The following PIAS2 variants were observed in gnomAD, a reference collection of about 807,000 sequenced individuals.
PIAS2 encodes E3 SUMO-protein ligase PIAS2.
PIAS2 carries 19 observed loss-of-function variants against 69.7 expected under a neutral mutation model. The ratio of observed to expected loss-of-function variants is 0.27; its 90% CI spans 0.19 to 0.40. The LOEUF (loss-of-function observed/expected upper bound fraction) is 0.40, where lower values mean the gene tolerates loss of function less well. Among genes scored for constraint, PIAS2 ranks in the 10% least tolerant of loss-of-function variants. The probability of loss-of-function intolerance (pLI) is 1.00; values close to 1 mark genes in which losing one functional copy is unlikely to be tolerated. For synonymous variants in PIAS2, 261 were observed against 263.2 expected (o/e 0.99, Z 0.08); for missense variants, 624 against 757.0 (o/e 0.82, Z 2.06).
At chr18:46,889,688 C>T (rs754719250) in intron 2 of PIAS2, among the ~76,000 whole-genome samples, 6 of 152,126 alleles carry the variant, frequency 3.9e-5, no homozygotes, top group Non-Finnish European at 8.8e-5. Context: ...ATACTAAAAA[C>T]AGAATGACTA....
upstream of PIAS2, among the ~76,000 whole-genome samples, chr18:46,918,353 C>T (rs941730089): frequency 6.6e-6 from 1 of 152,098 alleles, no homozygotes; most frequent in Non-Finnish European, 1.5e-5. Flanking sequence ...CTTTTAAGGC[C>T]CTGTTTAATC....
intron 1 of PIAS2, among the ~76,000 whole-genome samples, chr18:46,895,612 G>A (rs532690973): frequency 2.0e-5 from 3 of 152,160 alleles, no homozygotes; most frequent in Middle Eastern, 3.4e-3. Context: ...TGGTGGTTGC[G>A]GTGAGCGGAG....
intron 1 of PIAS2, among the ~76,000 whole-genome samples, chr18:46,899,594 CATAACTGGGACTACAA>C (rs2055461710): frequency 6.6e-6 from 1 of 152,144 alleles, no homozygotes; most frequent in Non-Finnish European, 1.5e-5. Flanking sequence ...CAGCCTCCAG[CATAACTGGGACTACAA>C]GCACACACCA....
chr18:46,833,593 T>C (rs1443721240), intron 9 of PIAS2, among the ~76,000 whole-genome samples: 2 of 152,144 alleles, frequency 1.3e-5, no homozygotes, highest in African/African-American at 4.8e-5. Context: ...ATAATGTAAA[T>C]CAAAACCCAA....
chr18:46,907,892 A>C (rs1456683294), intron 1 of PIAS2: 1 of 152,074 alleles, frequency 6.6e-6, no homozygotes, highest in Non-Finnish European at 1.5e-5. Context: ...TATATACTAC[A>C]CAGGTTCCAT....
chr18:46,816,479 T>G, intron 12 of PIAS2: 4 of 982,440 alleles, frequency 4.1e-6, no homozygotes, highest in Non-Finnish European at 4.8e-6. Context: ...AGATTTTTTT[T>G]TTTTCCTTTT....
chr18:46,892,645 G>A (rs929642672), intron 1 of PIAS2, among the ~76,000 whole-genome samples: 1 of 151,724 alleles, frequency 6.6e-6, no homozygotes, highest in Non-Finnish European at 1.5e-5. Context: ...GGTGGTGTGT[G>A]TGCCTGTGGT....
intron 1 of PIAS2, among the ~76,000 whole-genome samples, chr18:46,914,737 G>T (rs544370391): frequency 1.3e-5 from 2 of 152,080 alleles, no homozygotes; most frequent in Non-Finnish European, 2.9e-5. Flanking sequence ...GAAGGGTAAT[G>T]GAAATCCTCT....
intron 2 of PIAS2, among the ~76,000 whole-genome samples, chr18:46,869,982 T>G (rs1021694611): frequency 1.3e-5 from 2 of 151,936 alleles, no homozygotes; most frequent in African/African-American, 4.8e-5. Flanking sequence ...AATCCACCAA[T>G]GTATGAGACC....
chr18:46,853,118 A>T (rs1356838490), intron 5 of PIAS2: 1 of 152,418 alleles, frequency 6.6e-6, no homozygotes. Context: ...CTCTACAAAA[A>T]ATACAAAAAT....
chr18:46,878,044 T>C (rs556349334), intron 2 of PIAS2, among the ~76,000 whole-genome samples: 1 of 152,228 alleles, frequency 6.6e-6, no homozygotes, highest in Non-Finnish European at 1.5e-5. Context: ...ATAATAGTTA[T>C]GACAGCTCTA....
intron 8 of PIAS2, among the ~76,000 whole-genome samples, chr18:46,839,013 T>A (rs2145143591): frequency 6.6e-6 from 1 of 152,358 alleles, no homozygotes; most frequent in African/African-American, 2.4e-5. Context: ...ATCCTTTCAA[T>A]TATAAAATGA....
chr18:46,917,669 G>A, upstream of PIAS2: 1 of 611,438 alleles, frequency 1.6e-6, no homozygotes, highest in Non-Finnish European at 2.1e-6. Context: ...GGCCCCGCTC[G>A]GCCCCAGGTC....
In PIAS2 at chr18:46,811,121, T is replaced by G; in HGVS notation, c.*1312A>C. 6.6e-6 allele frequency: 1 copy of G among 152,112 alleles called. No homozygotes were observed. The highest frequency in any genetic ancestry group is 1.5e-5 in the Non-Finnish European group (1 of 68,014). The allele number at this position is 152,112 out of a possible 1,614,324, so 9.4% of individuals were successfully genotyped here. ...GTGCACCCAATAAAACCTCAGAGGTTCCCTGGAGTGTTTGGGGTAGCATGG... is the reference window on the plus strand; with the variant it reads ...GTGCACCCAATAAAACCTCAGAGGTGCCCTGGAGTGTTTGGGGTAGCATGG... On this transcript the variant is annotated 3_prime_UTR_variant, in exon 14 of 14. Transcript: ENST00000585916.
chr18:46,880,161 C>T (rs948253380), intron 2 of PIAS2, among the ~76,000 whole-genome samples: 6 of 151,310 alleles, frequency 4.0e-5, no homozygotes, highest in Non-Finnish European at 7.4e-5. Context: ...TTTGGAAGGC[C>T]GAGACGGGAG....
At chr18:46,840,511 T>C (rs967651379) in intron 8 of PIAS2, among the ~76,000 whole-genome samples, 2 of 152,252 alleles carry the variant, frequency 1.3e-5, no homozygotes, top group African/African-American at 2.4e-5. Flanking sequence ...ATTGTTTTTG[T>C]CGTTTTCTTC....
rs752660384 is a variant in PIAS2 at position 46,890,573 on chromosome 18, C to T, written c.499+7G>A. On this transcript the variant is annotated splice_region_variant and intron_variant, in intron 2 of 13. Coordinates refer to ENST00000585916, the MANE Select transcript of PIAS2 (RefSeq NM_004671.5). ...GTTCAGAAGAAACTGAATTCTCAAA[C>T]ACTTACCTAAACTCGTGGGCTTGAT... The T allele has an allele frequency of 7.7e-6, 12 of 1,566,082 alleles. No homozygotes were observed. The Admixed American group carries it at 1.9e-4, about 24-fold the overall frequency.
Position 46,827,990 on chromosome 18 carries a change from T to C in PIAS2, c.1477A>G (p.Met493Val), listed in dbSNP as rs1271785392. 6.2e-7 allele frequency: 1 copy of C among 1,613,860 alleles called. No individual in the cohort carries two copies. The highest frequency in any genetic ancestry group is 1.1e-5 in the South Asian group (1 of 91,062). Residue 493 changes from methionine (M) to valine (V), a missense_variant, in exon 11 of 14, where the codon ATG becomes GTG. Met to Val is a conservative substitution (Grantham distance 21, BLOSUM62 1). This residue lies in a region of PIAS2 where 241 missense variants were observed against 257.3 expected (regional missense o/e 0.94). Transcript: ENST00000585916. Reference protein sequence around the residue: ...DPPAKRKCIFMSETQSSPTKG... With the variant: ...DPPAKRKCIFVSETQSSPTKG... Reference sequence around the variant, plus strand: ...GTTGGGCTGCTTTGTGTTTCTGACATAAAGATGCATTTCCTTTTGGCAGGA... The same window carrying C: ...GTTGGGCTGCTTTGTGTTTCTGACACAAAGATGCATTTCCTTTTGGCAGGA...
chr18:46,897,318 T>C (rs2055047338), intron 1 of PIAS2, among the ~76,000 whole-genome samples: 1 of 152,112 alleles, frequency 6.6e-6, no homozygotes, highest in Non-Finnish European at 1.5e-5. Flanking sequence ...ATGCACAAGA[T>C]AAGCCTATAA....
Sources: gnomAD v4.1 joint callset for allele counts (sites outside exome capture counted in the v4.1 genomes callset) on GRCh38, gnomAD v4.1.1 for gene constraint, gnomAD v4.1.1 regional missense constraint, MANE v1.5 for transcripts, NCBI Gene and HGNC (gene_info 2026-07-23, HGNC 2026-07-21) for gene names.